Variants in OTOGL observed in about 807,000 individuals in gnomAD.
The protein encoded by OTOGL is otogelin-like protein.
A neutral mutation model predicts 318.5 loss-of-function variants in OTOGL; 285 were observed. That is an observed-to-expected ratio of 0.89 (90% CI 0.81 to 0.99). The LOEUF (loss-of-function observed/expected upper bound fraction) is 0.99, where lower values mean the gene tolerates loss of function less well. OTOGL is among the 50% of genes least tolerant of loss of function. OTOGL has a pLI of 0.00. For synonymous variants in OTOGL, 987 were observed against 936.5 expected, an observed-to-expected ratio of 1.05 and a Z score of -0.99; for missense variants, 2,899 against 2,845.6, an observed-to-expected ratio of 1.02 and a Z score of -0.43.
intron 7 of OTOGL, among the ~76,000 whole-genome samples, chr12:80,223,514 T>A (rs1029641969): frequency 6.6e-6 from 1 of 152,052 alleles, no homozygotes; most frequent in African/African-American, 2.4e-5. Flanking sequence ...ATACTCTTTT[T>A]CATAGTAGTT....
chr12:80,310,195 A>G (rs926976043), intron 29 of OTOGL, among the ~76,000 whole-genome samples: 1 of 152,184 alleles, frequency 6.6e-6, no homozygotes, highest in Non-Finnish European at 1.5e-5. Context: ...GAAGGGTATT[A>G]GGGGAGGAAG....
intron 26 of OTOGL, among the ~76,000 whole-genome samples, chr12:80,295,306 A>G (rs1403327809): frequency 6.6e-6 from 1 of 151,780 alleles, no homozygotes; most frequent in Non-Finnish European, 1.5e-5. Flanking sequence ...CCTCCCGAGT[A>G]GCTGGGACTA....
chr12:80,170,213 GTATGTA>G lies in OTOGL; in HGVS notation c.-19-39198_-19-39193del, dbSNP rs796527419. On this transcript the variant is annotated intron_variant, in intron 1 of 58. Transcript: ENST00000547103. ...TGTGTGTGTGTGTGTGTGTGTGTGT[GTATGTA>G]TGTGTGTGTGTGTATGTATGTATGT... Among the ~76,000 whole-genome samples, 450 of 116,778 alleles carry G rather than the reference GTATGTA, an allele frequency of 3.9e-3. 1 individual carries two copies. Among genetic ancestry groups the G allele is most frequent in the African/African-American group, 0.019 (407 of 21,908 alleles). 76.6% of individuals were successfully genotyped at this position (116,778 alleles called of 152,430 possible). A position where few individuals can be genotyped will look rare whatever the true frequency, so the allele number is the denominator to read the frequency against.
intron 44 of OTOGL, among the ~76,000 whole-genome samples, chr12:80,347,355 A>G (rs917817380): frequency 6.6e-6 from 1 of 151,272 alleles, no homozygotes; most frequent in Admixed American, 6.6e-5. Flanking sequence ...ATGTGTTCTT[A>G]TTGTTTAACT....
chr12:80,229,262 T>G lies in OTOGL; in HGVS notation c.495T>G (p.His165Gln), dbSNP rs770773037. ...TTTGTTTTTCTCCCTTTAAGGTTCATAACAGCCCTAAATGCCTTGGTTCGG... is the reference window on the plus strand; with the variant it reads ...TTTGTTTTTCTCCCTTTAAGGTTCAGAACAGCCCTAAATGCCTTGGTTCGG... The part of the protein sequence containing the change: ...DLEPRYTVWV[H>Q]NSPKCLGSVY... The change falls in exon 8 of 59, where the codon CAT becomes CAG. Residue 165 changes from histidine to glutamine, a missense_variant. His to Gln is a conservative substitution (Grantham distance 24, BLOSUM62 0). Coordinates refer to ENST00000547103, the MANE Select transcript of OTOGL (RefSeq NM_001378609.3). 6.3e-7 allele frequency: 1 copy of G among 1,597,748 alleles called. No individual in the cohort carries two copies. The highest frequency in any genetic ancestry group is 1.7e-5 in the Admixed American group (1 of 59,990).
At chr12:80,102,317 T>C (rs1427136612) in intron 1 of OTOGL, among the ~76,000 whole-genome samples, 1 of 152,210 alleles carries the variant, frequency 6.6e-6, no homozygotes, top group East Asian at 1.9e-4. Flanking sequence ...AACAGAGCCA[T>C]TGCTATATAT....
At chr12:80,363,094 G>C (rs1213056613) in intron 52 of OTOGL, among the ~76,000 whole-genome samples, 1 of 152,184 alleles carries the variant, frequency 6.6e-6, no homozygotes, top group Admixed American at 6.5e-5. Flanking sequence ...TAGCATTAGA[G>C]GTGTGAGCCA....
intron 1 of OTOGL, among the ~76,000 whole-genome samples, chr12:80,162,882 A>G (rs1271348241): frequency 6.6e-6 from 1 of 151,828 alleles, no homozygotes; most frequent in Non-Finnish European, 1.5e-5. Flanking sequence ...TGACTCATGC[A>G]CCCCTTGCCC....
chr12:80,198,448 G>A (rs193045527), intron 1 of OTOGL, among the ~76,000 whole-genome samples: 1 of 152,272 alleles, frequency 6.6e-6, no homozygotes, highest in East Asian at 1.9e-4. Context: ...GCTGGGCATG[G>A]TGGCACGTGC....
chr12:80,366,146 G>A (rs1890513351), intron 52 of OTOGL: 1 of 206,314 alleles, frequency 4.8e-6, no homozygotes, highest in African/African-American at 2.3e-5. Flanking sequence ...TAAGTAATGT[G>A]CCCTAAATCA....
intron 1 of OTOGL, among the ~76,000 whole-genome samples, chr12:80,135,918 A>G (rs900289793): frequency 3.3e-5 from 5 of 152,202 alleles, no homozygotes; most frequent in Admixed American, 6.5e-5. Flanking sequence ...GAACTGGGAC[A>G]TTAGTTCTTC....
chr12:80,156,245 C>T (rs1206508062), intron 1 of OTOGL, among the ~76,000 whole-genome samples: 1 of 152,172 alleles, frequency 6.6e-6, no homozygotes, highest in African/African-American at 2.4e-5. Context: ...GTTTTCTCGT[C>T]TACATCTTTC....
intron 11 of OTOGL, among the ~76,000 whole-genome samples, chr12:80,243,430 T>A (rs1880551985): frequency 6.6e-6 from 1 of 151,974 alleles, no homozygotes. Flanking sequence ...TTTTTACCAA[T>A]ACTCCTACCC....
At chr12:80,179,188 C>G (rs879018984) in intron 1 of OTOGL, among the ~76,000 whole-genome samples, 1 of 152,242 alleles carries the variant, frequency 6.6e-6, no homozygotes, top group Admixed American at 6.5e-5. Flanking sequence ...AAGGAATACT[C>G]GAGCTTTCTT....
chr12:80,099,576 A>G lies in OTOGL; in HGVS notation c.-49A>G, dbSNP rs1869010092. The G allele has an allele frequency of 6.6e-6, 1 of 152,190 alleles. No homozygotes were observed. Among genetic ancestry groups the G allele is most frequent in the Non-Finnish European group, 1.5e-5 (1 of 68,038 alleles). The allele number at this position is 152,190 out of a possible 1,614,324, so 9.4% of individuals were successfully genotyped here. A position where few individuals can be genotyped will look rare whatever the true frequency, so the allele number is the denominator to read the frequency against. On this transcript the variant is annotated 5_prime_UTR_variant, in exon 1 of 59. Transcript: ENST00000547103. Reference sequence around the variant, plus strand: ...AGGAGCTCTCGAAATACAACCCATAAGGAATAAAGCCATAGCCAGTGCTTC... The same window carrying G: ...AGGAGCTCTCGAAATACAACCCATAGGGAATAAAGCCATAGCCAGTGCTTC...
chr12:80,370,663 C>G lies in OTOGL; in HGVS notation c.6709C>G (p.Pro2237Ala). The part of the protein sequence containing the change: ...IILNYTMVCP[P>A]FNETECKMNE... ...TCTGAACTACACAATGGTCTGTCCCCCTTTTAATGAGACTGAATGCAAAAT... is the reference window on the plus strand; with the variant it reads ...TCTGAACTACACAATGGTCTGTCCCGCTTTTAATGAGACTGAATGCAAAAT... The change falls in exon 56 of 59, where the codon CCT becomes GCT. Residue 2237 changes from proline (P) to alanine (A), a missense_variant. By Grantham distance (27) the Pro-to-Ala change is conservative. Coordinates refer to ENST00000547103, the MANE Select transcript of OTOGL (RefSeq NM_001378609.3). 1 of 1,585,932 alleles carries G rather than the reference C, an allele frequency of 6.3e-7. No individual in the cohort carries two copies. Among genetic ancestry groups the G allele is most frequent in the Non-Finnish European group, 8.6e-7 (1 of 1,162,642 alleles).
At chr12:80,299,508 T>A (rs1267833054) in intron 27 of OTOGL, among the ~76,000 whole-genome samples, 1 of 151,802 alleles carries the variant, frequency 6.6e-6, no homozygotes, top group African/African-American at 2.4e-5. Flanking sequence ...ATAAAAATAG[T>A]TTGACCCTAA....
At chr12:80,299,525 C>A (rs1885617490) in intron 27 of OTOGL, among the ~76,000 whole-genome samples, 1 of 150,704 alleles carries the variant, frequency 6.6e-6, no homozygotes, top group Non-Finnish European at 1.5e-5. Flanking sequence ...CTAAAGAAAT[C>A]CCCTGCAATA....
intron 1 of OTOGL, among the ~76,000 whole-genome samples, chr12:80,130,828 A>G (rs1423223264): frequency 1.3e-5 from 2 of 152,352 alleles, no homozygotes; most frequent in Admixed American, 1.3e-4. Context: ...CATATCTGCC[A>G]TATTTCCTAT....
Sources: gnomAD v4.1 joint callset for allele counts (sites outside exome capture counted in the v4.1 genomes callset) on GRCh38, gnomAD v4.1.1 for gene constraint, MANE v1.5 for transcripts, NCBI Gene and HGNC (gene_info 2026-07-23, HGNC 2026-07-21) for gene names.